Variants in CTNNA2 observed in about 807,000 individuals in gnomAD.
CTNNA2 encodes catenin alpha 2, also known as catenin alpha-2.
CTNNA2 carries 42 observed loss-of-function variants against 101.0 expected under a neutral mutation model. The ratio of observed to expected loss-of-function variants is 0.42; its 90% CI spans 0.32 to 0.54. The LOEUF (loss-of-function observed/expected upper bound fraction) is 0.54, where lower values mean the gene tolerates loss of function less well. Among genes scored for constraint, CTNNA2 ranks in the 20% least tolerant of loss-of-function variants. CTNNA2 has a pLI of 0.14. For synonymous variants in CTNNA2, 450 were observed against 456.4 expected (o/e 0.99, Z 0.18); for missense variants, 871 against 1,223.1 (o/e 0.71, Z 4.29).
chr2:79,499,411 C>T (rs1671294698), intron 4 of CTNNA2, among the ~76,000 whole-genome samples: 1 of 152,168 alleles, frequency 6.6e-6, no homozygotes, highest in African/African-American at 2.4e-5. Context: ...AATGTGTCCC[C>T]TACATCACTT....
rs184634716 is a variant in CTNNA2 at position 79,806,024 on chromosome 2, A to G, written c.299-51989A>G. Among the ~76,000 whole-genome samples the G allele has an allele frequency of 3.3e-3, 500 of 152,258 alleles. 1 individual carries two copies. Among genetic ancestry groups the G allele is most frequent in the Middle Eastern group, 6.8e-3 (2 of 294 alleles). On this transcript the variant is annotated intron_variant, in intron 3 of 18. Coordinates refer to ENST00000402739, the MANE Select transcript of CTNNA2 (RefSeq NM_001282597.3). The stretch of plus-strand genomic sequence containing the variant: ...GTAGGTTAAAAATTATCATTTCAAC[A>G]TGACTTTTGCATGTAAGTTTTCCAT...
At chr2:80,477,727 A>ATG (rs35938297) in intron 9 of CTNNA2, among the ~76,000 whole-genome samples, 10,452 of 143,828 alleles carry the variant, frequency 0.073, 621 homozygotes, top group African/African-American at 0.18. Flanking sequence ...CATGGTGTGA[A>ATG]TGTGTGTGTG....
At position 80,418,024 on chromosome 2, in the gene CTNNA2, C is replaced by T. The variant is rs1184385601; in HGVS notation, c.1138-1425C>T. On this transcript the variant is annotated intron_variant, in intron 8 of 18. Coordinates refer to ENST00000402739, the MANE Select transcript of CTNNA2 (RefSeq NM_001282597.3). ...TCTTCTTATCTCCCCTACTTTATCT[C>T]AACCTTCTCTTCCTTTTGTCTCTGT... is the stretch of plus-strand genomic sequence containing the variant. Among the ~76,000 whole-genome samples the T allele has an allele frequency of 2.6e-5, 4 of 152,260 alleles. No homozygotes were observed. The East Asian group carries it at 7.7e-4, about 29-fold the overall frequency.
intron 2 of CTNNA2, among the ~76,000 whole-genome samples, chr2:79,708,167 G>T (rs192205541): frequency 6.6e-6 from 1 of 152,090 alleles, no homozygotes; most frequent in Non-Finnish European, 1.5e-5. Flanking sequence ...GATTTCTCAC[G>T]GCGTGCTTAT....
At chr2:79,880,617 A>G (rs1044063146) in intron 6 of CTNNA2, among the ~76,000 whole-genome samples, 17 of 152,272 alleles carry the variant, frequency 1.1e-4, no homozygotes, top group South Asian at 4.1e-4. Flanking sequence ...AGGTGTTTAT[A>G]GTATTTTCTG....
intron 1 of CTNNA2, among the ~76,000 whole-genome samples, chr2:79,561,809 G>T (rs563652023): frequency 1.3e-3 from 198 of 151,764 alleles, no homozygotes; most frequent in Admixed American, 1.8e-3. Context: ...ATTTGCATTT[G>T]TCTTTTTATT....
Position 80,421,007 on chromosome 2 carries a change from A to G in CTNNA2, c.1290+1406A>G, listed in dbSNP as rs184639714. On this transcript the variant is annotated intron_variant, in intron 9 of 18. Transcript: ENST00000402739. ...TTCTATCACCCTTCACATTCCACCT[A>G]CATGCTCGGAGAGTTCACTTAGCTA... 2.0e-4 allele frequency among the ~76,000 whole-genome samples: 30 copies of G among 152,258 alleles called. No individual in the cohort carries two copies. In the East Asian group the frequency reaches 3.1e-3, roughly 16 times the overall value.
intron 2 of CTNNA2, among the ~76,000 whole-genome samples, chr2:79,258,050 G>C (rs911892404): frequency 2.6e-5 from 4 of 152,072 alleles, no homozygotes; most frequent in African/African-American, 9.7e-5. Context: ...TCTGGATGAG[G>C]TGCCCACACT....
At chr2:80,071,499 C>A (rs894511690) in intron 7 of CTNNA2, among the ~76,000 whole-genome samples, 1 of 152,162 alleles carries the variant, frequency 6.6e-6, no homozygotes, top group Non-Finnish European at 1.5e-5. Flanking sequence ...TTTTATTTAA[C>A]CCTGGAGTGA....
chr2:80,100,398 G>A (rs139095505), intron 7 of CTNNA2, among the ~76,000 whole-genome samples: 119 of 152,310 alleles, frequency 7.8e-4, no homozygotes, highest in African/African-American at 2.8e-3. Flanking sequence ...TTCCTCACCA[G>A]TAGTTTTAGT....
chr2:79,321,749 G>A (rs1263427821), intron 3 of CTNNA2, among the ~76,000 whole-genome samples: 1 of 152,032 alleles, frequency 6.6e-6, no homozygotes, highest in East Asian at 1.9e-4. Context: ...CAAGGTGCAG[G>A]TCTTTGGAGT....
At chr2:79,303,820 G>A (rs920001662) in intron 2 of CTNNA2, among the ~76,000 whole-genome samples, 6 of 152,042 alleles carry the variant, frequency 3.9e-5, no homozygotes, top group African/African-American at 1.4e-4. Flanking sequence ...CTGAGGGAAT[G>A]CCTGGATGCC....
chr2:79,763,437 G>A (rs1672935555), intron 3 of CTNNA2, among the ~76,000 whole-genome samples: 1 of 151,954 alleles, frequency 6.6e-6, no homozygotes, highest in African/African-American at 2.4e-5. Flanking sequence ...GAAAATAACT[G>A]TTTTGGTGTT....
intron 6 of CTNNA2, among the ~76,000 whole-genome samples, chr2:79,881,769 G>A (rs950956503): frequency 6.6e-6 from 1 of 151,124 alleles, no homozygotes; most frequent in African/African-American, 2.4e-5. Context: ...CAATTTGCCA[G>A]TCTGTGTCTT....
intron 17 of CTNNA2, among the ~76,000 whole-genome samples, chr2:80,609,780 G>A (rs1192625247): frequency 6.6e-6 from 1 of 151,626 alleles, no homozygotes; most frequent in Non-Finnish European, 1.5e-5. Flanking sequence ...ACATGGATGC[G>A]CAAAGCATCT....
chr2:79,986,034 C>T (rs1691736357), intron 7 of CTNNA2, among the ~76,000 whole-genome samples: 1 of 152,296 alleles, frequency 6.6e-6, no homozygotes, highest in Non-Finnish European at 1.5e-5. Flanking sequence ...CTTGGAAGTA[C>T]ATGGGATAGG....
intron 14 of CTNNA2, among the ~76,000 whole-genome samples, chr2:80,584,330 C>A (rs1695789440): frequency 6.6e-6 from 1 of 151,132 alleles, no homozygotes; most frequent in Admixed American, 6.6e-5. Flanking sequence ...TAACCCCATC[C>A]AACATTGCTC....
intron 2 of CTNNA2, among the ~76,000 whole-genome samples, chr2:79,228,730 TG>T (rs1176597562): frequency 6.6e-6 from 1 of 152,140 alleles, no homozygotes; most frequent in Non-Finnish European, 1.5e-5. Flanking sequence ...CTTTTTTTTT[TG>T]CTGGGCAGAA....
Position 79,786,236 on chromosome 2 carries a change from GT to G in CTNNA2, c.298+41663del, listed in dbSNP as rs201857564. ...GAATAAAGAATAGTAAGTAGACATG[GT>G]TTTTTTTTATTTTATTCATTAAAAT... On this transcript the variant is annotated intron_variant, in intron 3 of 18. Transcript: ENST00000402739. 3.2e-4 allele frequency among the ~76,000 whole-genome samples: 49 copies of G among 151,526 alleles called. No individual in the cohort carries two copies. In the East Asian group the frequency reaches 6.2e-3, roughly 19 times the overall value.
Sources: allele counts gnomAD v4.1 joint callset (sites outside exome capture counted in the v4.1 genomes callset), GRCh38; gene constraint gnomAD v4.1.1; transcripts MANE v1.5; gene names NCBI Gene and HGNC (gene_info 2026-07-23, HGNC 2026-07-21).